ABCC2: variants seen among roughly 807,000 people sequenced by gnomAD.
The protein encoded by ABCC2 is ATP binding cassette subfamily C member 2.
Under a neutral mutation model 173.4 loss-of-function variants are expected in ABCC2, and 157 were observed. The observed-to-expected ratio is 0.91, with a 90% CI of 0.80 to 1.03. The LOEUF is 1.03. Ranked by LOEUF, ABCC2 falls within the 50% of genes least tolerant of loss-of-function variation. ABCC2 has a pLI of 0.00. For missense variants in ABCC2, 1,822 were observed against 1,852.3 expected (o/e 0.98, Z 0.30); for synonymous variants, 657 against 693.5 (o/e 0.95, Z 0.83).
At chr10:99,842,721 G>T (rs547692925) in intron 26 of ABCC2, among the ~76,000 whole-genome samples, 1 of 152,288 alleles carries the variant, frequency 6.6e-6, no homozygotes, top group East Asian at 1.9e-4. Context: ...ATAGTTACAT[G>T]TGGGCATTAT....
At chr10:99,810,028 C>T in intron 13 of ABCC2, 106 bp from the exon 14 acceptor site, 3 of 1,022,900 alleles carry the variant, frequency 2.9e-6, no homozygotes, top group Non-Finnish European at 4.5e-6. Context: ...TTAGGAGATG[C>T]CAGCTGTGGC....
At chr10:99,799,514 T>C in intron 8 of ABCC2, 144 bp downstream of exon 8, 1 of 1,014,424 alleles carries the variant, frequency 9.9e-7, no homozygotes, top group Admixed American at 1.8e-5. Context: ...CCTTACAGCA[T>C]TGTGTTCATG....
At chr10:99,787,317 C>T (rs1282460916) in intron 2 of ABCC2, among the ~76,000 whole-genome samples, 2 of 152,186 alleles carry the variant, frequency 1.3e-5, no homozygotes, top group East Asian at 1.9e-4. Context: ...TATAGATTTC[C>T]CTGTTCTAGA....
At chr10:99,814,367 G>T in intron 16 of ABCC2, among the ~76,000 whole-genome samples, 1 of 82,676 alleles carries the variant, frequency 1.2e-5, no homozygotes. Context: ...ATACACACAT[G>T]TATATATACA....
chr10:99,848,622 C>T (rs1011444364), intron 30 of ABCC2, among the ~76,000 whole-genome samples: 1 of 152,250 alleles, frequency 6.6e-6, no homozygotes, highest in Non-Finnish European at 1.5e-5. Flanking sequence ...TCAGAATCCG[C>T]ACTTTAGCAA....
At position 99,819,141 on chromosome 10, in the gene ABCC2, T is replaced by C. The variant is rs764234864; in HGVS notation, c.2492T>C (p.Ile831Thr). The C allele has an allele frequency of 2.7e-5, 44 of 1,614,002 alleles. No homozygotes were observed. The highest frequency in any genetic ancestry group is 1.5e-4 in the Admixed American group (9 of 60,000). Residue 831 changes from isoleucine (I) to threonine (T), a missense_variant, in exon 19 of 32, where the codon ATT (isoleucine) becomes ACT (threonine). Physicochemically the swap from Ile to Thr is moderately conservative, Grantham distance 89. Transcript: ENST00000647814. The part of the protein sequence containing the change: ...SMHFLPQVDE[I>T]VVLGNGTIVE... The stretch of plus-strand genomic sequence containing the variant: ...CACTTTCTTCCTCAAGTGGATGAGA[T>C]TGTAGTTCTGGGGAATGGAACAATT...
intron 19 of ABCC2, among the ~76,000 whole-genome samples, chr10:99,824,817 T>C (rs1212280909): frequency 2.1e-5 from 3 of 142,414 alleles, no homozygotes; most frequent in African/African-American, 5.3e-5. Context: ...TTTGCCTGAT[T>C]TCTTCTGAAT....
At chr10:99,847,559 C>T (rs1310200739) in intron 30 of ABCC2, among the ~76,000 whole-genome samples, 2 of 151,330 alleles carry the variant, frequency 1.3e-5, no homozygotes, top group Non-Finnish European at 2.9e-5. Flanking sequence ...GCCGAGATTG[C>T]ACCACTGCAC....
intron 15 of ABCC2, among the ~76,000 whole-genome samples, chr10:99,811,944 C>T (rs2038223581): frequency 6.6e-6 from 1 of 152,146 alleles, no homozygotes; most frequent in South Asian, 2.1e-4. Flanking sequence ...AACCCAAGAA[C>T]CTGAATTCAG....
At position 99,845,660 on chromosome 10, in the gene ABCC2, T is replaced by C; in HGVS notation, c.4024T>C (p.Ser1342Pro). The change falls in exon 29 of 32, where the codon TCC (serine) becomes CCC (proline). Residue 1342 changes from serine (S) to proline (P), a missense_variant. By Grantham distance (74) the Ser-to-Pro change is moderately conservative. Transcript: ENST00000647814. ...VVGRTGAGKS[S>P]LTNCLFRILE... ...GGGCAGGACAGGAGCTGGAAAGTCA[T>C]CCCTCACAAACTGCCTCTTCAGAAT... The C allele has an allele frequency of 6.2e-7, 1 of 1,614,066 alleles. No homozygotes were observed. The highest frequency in any genetic ancestry group is 8.5e-7 in the Non-Finnish European group (1 of 1,179,996).
chr10:99,806,939 G>T (rs1462445562), intron 11 of ABCC2, among the ~76,000 whole-genome samples: 4 of 152,240 alleles, frequency 2.6e-5, no homozygotes, highest in African/African-American at 9.6e-5. Flanking sequence ...AGAGAGAGCT[G>T]GTTTTGAATC....
chr10:99,804,054 C>T lies in ABCC2; in HGVS notation c.1245C>T (p.Tyr415=). The T allele has an allele frequency of 3.1e-6, 5 of 1,614,142 alleles. No homozygotes were observed. The highest frequency in any genetic ancestry group is 4.2e-6 in the Non-Finnish European group (5 of 1,180,018). The change falls in exon 10 of 32, where the codon TAC becomes TAT. Residue 415 remains tyrosine, a synonymous_variant. Coordinates refer to ENST00000647814, the MANE Select transcript of ABCC2 (RefSeq NM_000392.5). ...LTLSNLARKE[Y]TVGETVNLMS... ...TATCCAACTTGGCCAGGAAGGAGTA[C>T]ACCGTTGGAGAAACAGTGAACCTGA... is the stretch of plus-strand genomic sequence containing the variant.
chr10:99,808,030 A>G, intron 12 of ABCC2, 53 bp from the exon 13 acceptor site: 14 of 1,601,008 alleles, frequency 8.7e-6, no homozygotes, highest in Admixed American at 1.7e-5. Flanking sequence ...ACTTAGCACA[A>G]TGCTGCTTGG....
chr10:99,814,227 ACATG>A lies in ABCC2; in HGVS notation c.2094+1084_2094+1087del, dbSNP rs2038292410. Among the ~76,000 whole-genome samples, 9 of 61,860 alleles carry A rather than the reference ACATG, an allele frequency of 1.5e-4. 2 individuals carry two copies. The highest frequency in any genetic ancestry group is 5.8e-4 in the African/African-American group (9 of 15,500). 40.6% of individuals were successfully genotyped at this position (61,860 alleles called of 152,430 possible). On this transcript the variant is annotated intron_variant, in intron 16 of 31. Transcript: ENST00000647814. ...TATACACACATGTGTATATATACACACATGTGTATATATGCACACACGTATGTAT... is the reference window on the plus strand; with the variant it reads ...TATACACACATGTGTATATATACACATGTATATATGCACACACGTATGTAT...
intron 11 of ABCC2, among the ~76,000 whole-genome samples, chr10:99,806,077 C>CTCTG (rs10644836): frequency 0.015 from 2,250 of 148,110 alleles, 20 homozygotes; most frequent in Non-Finnish European, 0.022. Flanking sequence ...CTCTCTCTGT[C>CTCTG]TGTGTGTGTG....
chr10:99,844,555 A>C lies in ABCC2; in HGVS notation c.3987+90A>C, dbSNP rs567205313. 107 of 1,540,078 alleles carry C rather than the reference A, an allele frequency of 6.9e-5. No individual in the cohort carries two copies. In the African/African-American group the frequency reaches 1.3e-3, roughly 18 times the overall value. ...GAGAGCAGCTGGGCCCTAAGCCTTCATCATTTGGATGGAGGGAAAGGGTCA... is the reference window on the plus strand; with the variant it reads ...GAGAGCAGCTGGGCCCTAAGCCTTCCTCATTTGGATGGAGGGAAAGGGTCA... On this transcript the variant is annotated intron_variant, in intron 28 of 31. Coordinates refer to ENST00000647814, the MANE Select transcript of ABCC2 (RefSeq NM_000392.5).
intron 13 of ABCC2, among the ~76,000 whole-genome samples, chr10:99,809,311 C>T (rs2038168997): frequency 6.6e-6 from 1 of 152,122 alleles, no homozygotes; most frequent in Admixed American, 6.5e-5. Context: ...CAAGATTGCA[C>T]CCTTACACTC....
At position 99,793,571 on chromosome 10, in the gene ABCC2, A is replaced by G. The variant is rs199958460; in HGVS notation, c.354A>G (p.Gln118=). The G allele has an allele frequency of 4.3e-6, 7 of 1,613,978 alleles. No homozygotes were observed. Among genetic ancestry groups the G allele is most frequent in the Non-Finnish European group, 5.9e-6 (7 of 1,179,984 alleles). Residue 118 remains glutamine (Q), a synonymous_variant, in exon 4 of 32, where the codon CAA becomes CAG. Coordinates refer to ENST00000647814, the MANE Select transcript of ABCC2 (RefSeq NM_000392.5). ...TCCAGCTCCTGGTTTTGCTGATCCA[A>G]TACAGCAGACAATGGTGTGTACAGA... is the stretch of plus-strand genomic sequence containing the variant. ...LGTWLLVLLI[Q]YSRQWCVQKN... is the part of the protein sequence containing the mutation.
intron 19 of ABCC2, among the ~76,000 whole-genome samples, chr10:99,828,471 T>C (rs2038683729): frequency 6.6e-6 from 1 of 152,178 alleles, no homozygotes; most frequent in Admixed American, 6.5e-5. Context: ...AAGGGCAAAA[T>C]CAAGGTGTCA....
Sources: allele counts gnomAD v4.1 joint callset (sites outside exome capture counted in the v4.1 genomes callset), GRCh38; gene constraint gnomAD v4.1.1; transcripts MANE v1.5; gene names NCBI Gene and HGNC (gene_info 2026-07-23, HGNC 2026-07-21).